The following ARSG variants were observed in gnomAD, a reference collection of about 807,000 sequenced individuals.
ARSG encodes ASG.
Under a neutral mutation model 50.5 loss-of-function variants are expected in ARSG, and 37 were observed. That is an observed-to-expected ratio of 0.73 (90% confidence interval 0.56 to 0.96). The LOEUF (loss-of-function observed/expected upper bound fraction) is 0.96, where lower values mean the gene tolerates loss of function less well. Ranked by LOEUF, ARSG falls within the 50% of genes least tolerant of loss-of-function variation. ARSG has a pLI of 0.00. For missense variants in ARSG, 629 were observed against 675.3 expected (o/e 0.93, Z 0.76); for synonymous variants, 225 against 254.6 (o/e 0.88, Z 1.11).
At chr17:68,435,539 G>T in the ARSG span, 2 of 1,372,502 alleles carry the variant, frequency 1.5e-6, no homozygotes, top group Non-Finnish European at 2.1e-6. Context: ...CATGTCACCA[G>T]GTTTGTTCAA....
Position 68,314,701 on chromosome 17 carries a change from A to C in ARSG, c.218+6990A>C, listed in dbSNP as rs1373282428. ...CAGCCTGGACAACAGAGTGTCTCAT[A>C]AAAAAAATAAAAAATAAAAAATTAA... On this transcript the variant is annotated intron_variant, in intron 2 of 11. Coordinates refer to ENST00000621439, the MANE Select transcript of ARSG (RefSeq NM_001267727.2). Among the ~76,000 whole-genome samples the C allele has an allele frequency of 2.0e-5, 3 of 151,880 alleles. No individual in the cohort carries two copies. In the East Asian group the frequency reaches 5.8e-4, roughly 29 times the overall value.
rs1221639630 is a variant in ARSG, at chr17:68,271,074, C to T, written c.-552+11648C>T. 5 of 1,614,034 alleles carry T rather than the reference C, an allele frequency of 3.1e-6. No homozygotes were observed. In the Admixed American group the frequency reaches 6.7e-5, roughly 22 times the overall value. On this transcript the variant is annotated intron_variant, in intron 1 of 11. Transcript: ENST00000448504. This position sits in a 1 kb window ranked among gnomAD's most constrained non-coding sequence, Gnocchi z 5.3. ...CAGTCAATAAGATGACGCAGATGAG[C>T]TCAATGTAAATCTTACGAATGGGCT... is the stretch of plus-strand genomic sequence containing the variant.
chr17:68,413,138 G>A (rs1317690478), intron 11 of ARSG, among the ~76,000 whole-genome samples: 1 of 152,170 alleles, frequency 6.6e-6, no homozygotes, highest in Non-Finnish European at 1.5e-5. Context: ...GTTATTCTCT[G>A]TCCAGCTTTG....
the ARSG span, among the ~76,000 whole-genome samples, chr17:68,437,010 A>ATGTGTGTGTGTGTGTGTGTGTG: frequency 1.3e-5 from 1 of 77,910 alleles, no homozygotes; most frequent in Non-Finnish European, 2.7e-5. Context: ...AAAAAAATAT[A>ATGTGTGTGTGTGTGTGTGTGTG]TATATATGTG....
intron 1 of ARSG, among the ~76,000 whole-genome samples, chr17:68,280,399 A>C (rs182467158): frequency 6.6e-6 from 1 of 152,246 alleles, no homozygotes; most frequent in Admixed American, 6.6e-5. Context: ...ATATGACAAC[A>C]CAACAGTAAT....
chr17:68,312,047 G>A (rs1195819112), intron 2 of ARSG, among the ~76,000 whole-genome samples: 2 of 152,010 alleles, frequency 1.3e-5, no homozygotes, highest in African/African-American at 2.4e-5. Context: ...TGATCCACTC[G>A]CCTTGGCCTC....
Position 68,399,757 on chromosome 17 carries a change from G to A in ARSG, c.1213-1603G>A, listed in dbSNP as rs1184928795. 6.6e-6 allele frequency among the ~76,000 whole-genome samples: 1 copy of A among 152,204 alleles called. No individual in the cohort carries two copies. Among genetic ancestry groups the A allele is most frequent in the Non-Finnish European group, 1.5e-5 (1 of 68,042 alleles). On this transcript the variant is annotated intron_variant, in intron 10 of 11. Coordinates refer to ENST00000621439, the MANE Select transcript of ARSG (RefSeq NM_001267727.2). The surrounding 1 kb of genome is among the most constrained non-coding windows in gnomAD (Gnocchi z 4.6). ...TTTCTGTGACTGAGACGCAAGTACTGTGACTGATCTGAAGCAGCAACTTCA... is the reference window on the plus strand; with the variant it reads ...TTTCTGTGACTGAGACGCAAGTACTATGACTGATCTGAAGCAGCAACTTCA...
chr17:68,269,791 A>T, intron 1 of ARSG, among the ~76,000 whole-genome samples: 1 of 147,176 alleles, frequency 6.8e-6, no homozygotes, highest in Middle Eastern at 3.3e-3. Flanking sequence ...CTCCTGCCTC[A>T]GCCTCCCGAA....
the ARSG span, among the ~76,000 whole-genome samples, chr17:68,427,733 CAA>C: frequency 1.3e-5 from 2 of 152,314 alleles, no homozygotes; most frequent in East Asian, 3.9e-4. Context: ...ATTGGCTAGA[CAA>C]AGATTAGTCC....
In ARSG at chr17:68,370,544, T is replaced by C. The variant is rs2146741050; in HGVS notation, c.982+20T>C. 6.2e-7 allele frequency: 1 copy of C among 1,611,402 alleles called. No individual in the cohort carries two copies. Among genetic ancestry groups the C allele is most frequent in the East Asian group, 2.2e-5 (1 of 44,808 alleles). ...GTCAAGGTAAGGGGCTCAGCTGGGG[T>C]TGGTGGATCCCATTGCAATGCTGAG... On this transcript the variant is annotated intron_variant, in intron 8 of 11. Coordinates refer to ENST00000621439, the MANE Select transcript of ARSG (RefSeq NM_001267727.2).
intron 2 of ARSG, among the ~76,000 whole-genome samples, chr17:68,329,255 C>T (rs1293652406): frequency 6.6e-6 from 1 of 152,224 alleles, no homozygotes; most frequent in Non-Finnish European, 1.5e-5. Flanking sequence ...AAGCAACTCA[C>T]CTTGTCTGGC....
At chr17:68,291,390 T>C (rs1555755881), upstream of ARSG, 1 of 145,476 alleles carries the variant, frequency 6.9e-6, no homozygotes, top group Non-Finnish European at 1.5e-5. Context: ...TCTTATCCTA[T>C]ACCGGCTGCA....
intron 11 of ARSG, among the ~76,000 whole-genome samples, chr17:68,406,022 T>A (rs2081697183): frequency 6.6e-6 from 1 of 152,192 alleles, no homozygotes; most frequent in African/African-American, 2.4e-5. Context: ...CTATTTGTAG[T>A]CTTTCATCCC....
chr17:68,433,386 AAG>A, the ARSG span: 4 of 1,262,716 alleles, frequency 3.2e-6, no homozygotes, highest in South Asian at 4.8e-5. Flanking sequence ...TCAGAAAGAA[AAG>A]AGATCATTCA....
At chr17:68,284,932 C>T (rs1555753927) in intron 1 of ARSG, among the ~76,000 whole-genome samples, 1 of 152,096 alleles carries the variant, frequency 6.6e-6, no homozygotes, top group Non-Finnish European at 1.5e-5. Context: ...ACCCCATGTC[C>T]CCGGACCCTG....
chr17:68,275,975 T>C (rs1391173449), intron 1 of ARSG, among the ~76,000 whole-genome samples: 1 of 147,042 alleles, frequency 6.8e-6, no homozygotes, highest in African/African-American at 2.5e-5. Flanking sequence ...AAAGCGAGAC[T>C]CCGTCTCAAA....
At chr17:68,310,592 G>C (rs1555766367) in intron 2 of ARSG, among the ~76,000 whole-genome samples, 1 of 152,198 alleles carries the variant, frequency 6.6e-6, no homozygotes. Flanking sequence ...ACATTGGTCT[G>C]ATTGTCCAGC....
chr17:68,326,197 C>T (rs1402730590), intron 2 of ARSG, among the ~76,000 whole-genome samples: 2 of 152,202 alleles, frequency 1.3e-5, no homozygotes, highest in African/African-American at 2.4e-5. Context: ...TAGGGACAAA[C>T]TCGAACAGTG....
the ARSG span, chr17:68,435,504 G>A: frequency 9.1e-6 from 9 of 984,618 alleles, no homozygotes; most frequent in Admixed American, 1.9e-5. Flanking sequence ...CAAATTCTGA[G>A]TGGGCCCAGA....
Sources: allele counts gnomAD v4.1 joint callset (sites outside exome capture counted in the v4.1 genomes callset), GRCh38; gene constraint gnomAD v4.1.1; non-coding constraint Gnocchi (gnomAD v3.1); transcripts MANE v1.5; gene names NCBI Gene and HGNC (gene_info 2026-07-23, HGNC 2026-07-21).